The following CD180 variants were observed in gnomAD, a reference collection of about 807,000 sequenced individuals.
CD180 encodes the protein CD180 molecule, also known as CD180 antigen.
CD180 carries 11 observed loss-of-function variants against 10.7 expected under a neutral mutation model. That is an observed-to-expected ratio of 1.03 (90% CI 0.65 to 1.70). The LOEUF (loss-of-function observed/expected upper bound fraction) is 1.70. Ranked by LOEUF, CD180 falls within the 40% of genes most tolerant of loss-of-function variation. The pLI is 0.00. For synonymous variants in CD180, 286 were observed against 294.6 expected, an observed-to-expected ratio of 0.97 and a Z score of 0.30; for missense variants, 729 against 775.2, an observed-to-expected ratio of 0.94 and a Z score of 0.71.
chr5:67,181,445 C>T lies in CD180; in HGVS notation c.*1412G>A, dbSNP rs1742046793. The T allele has an allele frequency of 6.6e-6, 1 of 152,342 alleles. No homozygotes were observed. The highest frequency in any genetic ancestry group is 2.4e-5 in the African/African-American group (1 of 41,442). 9.4% of individuals were successfully genotyped at this position (152,342 alleles called of 1,614,324 possible). On this transcript the variant is annotated 3_prime_UTR_variant, in exon 3 of 3. Coordinates refer to ENST00000256447, the MANE Select transcript of CD180 (RefSeq NM_005582.3). Reference sequence around the variant, plus strand: ...CCACTGCTGTTCCCTGCCTGCCCTGCTTTTCCTGGGGGCGAAGAGACAAAA... The same window carrying T: ...CCACTGCTGTTCCCTGCCTGCCCTGTTTTTCCTGGGGGCGAAGAGACAAAA...
rs1742128336 is a variant in CD180 at position 67,184,126 on chromosome 5, G to T, written c.717C>A (p.Phe239Leu). ...GAGTAGTAGAGTTCTGCAGACCATT[G>T]AATATAACAGACAAATTTGGAGTTC... The part of the protein sequence containing the change: ...FGGTPNLSVI[F>L]NGLQNSTTQS... Residue 239 changes from phenylalanine (F) to leucine (L), a missense_variant, in exon 3 of 3, where the codon TTC becomes TTA. Transcript: ENST00000256447. 1 of 1,614,030 alleles carries T rather than the reference G, an allele frequency of 6.2e-7. No individual in the cohort carries two copies. Among genetic ancestry groups the T allele is most frequent in the Non-Finnish European group, 8.5e-7 (1 of 1,180,030 alleles).
In CD180 at chr5:67,179,757, T is replaced by C. The variant is rs1484708128; in HGVS notation, c.*3100A>G. On this transcript the variant is annotated 3_prime_UTR_variant, in exon 3 of 3. Coordinates refer to ENST00000256447, the MANE Select transcript of CD180 (RefSeq NM_005582.3). ...GGGCTGTGCTGTACTAAGCAGTGGC[T>C]GCTGGCACAGGGAAAGGTGTAATTC... 6.6e-6 allele frequency: 1 copy of C among 152,242 alleles called. No homozygotes were observed. The highest frequency in any genetic ancestry group is 1.9e-4 in the East Asian group (1 of 5,196). The allele number at this position is 152,242 out of a possible 1,614,324, so 9.4% of individuals were successfully genotyped here.
intron 1 of CD180, among the ~76,000 whole-genome samples, chr5:67,193,942 ACCTATGTTCCTGATCACTGGG>A (rs1742353642): frequency 3.3e-5 from 5 of 152,170 alleles, no homozygotes; most frequent in Admixed American, 3.3e-4. Context: ...GGAGGTGATA[ACCTATGTTCCTGATCACTGGG>A]GGGATGGTGC....
In CD180 at chr5:67,183,485, G is replaced by A; in HGVS notation, c.1358C>T (p.Thr453Ile). 1 of 1,614,246 alleles carries A rather than the reference G, an allele frequency of 6.2e-7. No individual in the cohort carries two copies. The highest frequency in any genetic ancestry group is 8.5e-7 in the Non-Finnish European group (1 of 1,180,050). Residue 453 changes from threonine (T) to isoleucine (I), a missense_variant, in exon 3 of 3, where the codon ACT becomes ATT. Physicochemically the swap from Thr to Ile is moderately conservative, Grantham distance 89. Transcript: ENST00000256447. ...NLHFLQVLNL[T>I]YCFLDTSNQH... ...ATTGCTGGTATCAAGGAAGCAGTAA[G>A]TGAGATTCAGAACCTGAAGGAAATG... is the stretch of plus-strand genomic sequence containing the variant.
Position 67,183,218 on chromosome 5 carries a change from T to C in CD180, c.1625A>G (p.His542Arg), listed in dbSNP as rs546205073. ...LTCDSIDSLSHLKGIYLNLAA... is the reference protein window; with the variant it reads ...LTCDSIDSLSRLKGIYLNLAA... ...CAGATTGAGGTAGATTCCCTTAAGATGGCTAAGAGAATCAATGCTGTCGCA... is the reference window on the plus strand; with the variant it reads ...CAGATTGAGGTAGATTCCCTTAAGACGGCTAAGAGAATCAATGCTGTCGCA... The change falls in exon 3 of 3, where the codon CAT becomes CGT. Residue 542 changes from histidine to arginine, a missense_variant. Physicochemically the swap from His to Arg is conservative, Grantham distance 29. Coordinates refer to ENST00000256447, the MANE Select transcript of CD180 (RefSeq NM_005582.3). 2 of 1,613,180 alleles carry C rather than the reference T, an allele frequency of 1.2e-6. No homozygotes were observed. Among genetic ancestry groups the C allele is most frequent in the Admixed American group, 1.7e-5 (1 of 59,960 alleles).
At chr5:67,193,728 C>T (rs1478547422) in intron 1 of CD180, among the ~76,000 whole-genome samples, 1 of 152,200 alleles carries the variant, frequency 6.6e-6, no homozygotes. Context: ...GGCTTGCAGG[C>T]CCTAGAACAC....
At chr5:67,185,277 C>A (rs1177994652) in intron 2 of CD180, among the ~76,000 whole-genome samples, 1 of 125,984 alleles carries the variant, frequency 7.9e-6, no homozygotes, top group Non-Finnish European at 1.6e-5. Flanking sequence ...CACGCAGAGC[C>A]TGTCCCCTCT....
In CD180 at chr5:67,183,513, G is replaced by C; in HGVS notation, c.1330C>G (p.Leu444Val). The C allele has an allele frequency of 6.2e-7, 1 of 1,614,196 alleles. No homozygotes were observed. Among genetic ancestry groups the C allele is most frequent in the Non-Finnish European group, 8.5e-7 (1 of 1,180,040 alleles). ...INAPQSPFQN[L>V]HFLQVLNLTY... ...AGATTCAGAACCTGAAGGAAATGGA[G>C]GTTTTGGAAGGGACTTTGTGGAGCA... is the stretch of plus-strand genomic sequence containing the variant. The change falls in exon 3 of 3, where the codon CTC (leucine) becomes GTC (valine). Residue 444 changes from leucine to valine, a missense_variant. Coordinates refer to ENST00000256447, the MANE Select transcript of CD180 (RefSeq NM_005582.3).
Position 67,185,339 on chromosome 5 carries a change from C to A in CD180, c.257+512G>T, listed in dbSNP as rs1742170720. On this transcript the variant is annotated intron_variant, in intron 2 of 2. Coordinates refer to ENST00000256447, the MANE Select transcript of CD180 (RefSeq NM_005582.3). ...CACACACACACACACGCAGTATAGC[C>A]CTTTCATTTTCTTCCCTTATTTTCT... Among the ~76,000 whole-genome samples the A allele has an allele frequency of 2.7e-5, 4 of 148,606 alleles. No homozygotes were observed. In the South Asian group the frequency reaches 8.4e-4, roughly 31 times the overall value.
intron 1 of CD180, among the ~76,000 whole-genome samples, chr5:67,190,061 ACTC>A (rs1742272098): frequency 6.6e-6 from 1 of 151,978 alleles, no homozygotes; most frequent in Non-Finnish European, 1.5e-5. Flanking sequence ...ATCTCCTTAG[ACTC>A]CTTTAATCTG....
Position 67,183,363 on chromosome 5 carries a change from T to A in CD180, c.1480A>T (p.Thr494Ser). ...GTITKTNLLQ[T>S]VGSLEVLILS... ...ATCAGAACCTCCAAGCTGCCCACGGTCTGAAGTAGGTTGGTCTTCGTGATA... is the reference window on the plus strand; with the variant it reads ...ATCAGAACCTCCAAGCTGCCCACGGACTGAAGTAGGTTGGTCTTCGTGATA... The change falls in exon 3 of 3, where the codon ACC (threonine) becomes TCC (serine). Residue 494 changes from threonine to serine, a missense_variant. By Grantham distance (58) the Thr-to-Ser change is moderately conservative (BLOSUM62 1). Coordinates refer to ENST00000256447, the MANE Select transcript of CD180 (RefSeq NM_005582.3). 1 of 1,614,170 alleles carries A rather than the reference T, an allele frequency of 6.2e-7. No homozygotes were observed. The highest frequency in any genetic ancestry group is 8.5e-7 in the Non-Finnish European group (1 of 1,180,024).
chr5:67,183,134 C>T lies in CD180; in HGVS notation c.1709G>A (p.Ser570Asn). 1.2e-6 allele frequency: 2 copies of T among 1,610,300 alleles called. No homozygotes were observed. Among genetic ancestry groups the T allele is most frequent in the South Asian group, 1.1e-5 (1 of 90,676 alleles). ...PRLLPILSQQ[S>N]TINLSHNPLD... ...GGGGTTATGACTTAAATTAATGGTG[C>T]TCTGCTGGGACAAGATAGGGAGGAG... The change falls in exon 3 of 3, where the codon AGC (serine) becomes AAC (asparagine). Residue 570 changes from serine (S) to asparagine (N), a missense_variant. Ser to Asn is a conservative substitution (Grantham distance 46). Transcript: ENST00000256447.
At chr5:67,189,487 GT>G (rs1160012931) in intron 1 of CD180, among the ~76,000 whole-genome samples, 3 of 152,214 alleles carry the variant, frequency 2.0e-5, no homozygotes, top group Admixed American at 1.3e-4. Context: ...ATCATCTCTG[GT>G]TAGGTGGAAA....
intron 1 of CD180, among the ~76,000 whole-genome samples, chr5:67,188,730 A>C (rs1470553917): frequency 6.7e-6 from 1 of 150,200 alleles, no homozygotes; most frequent in Non-Finnish European, 1.5e-5. Context: ...TTAGCGATGC[A>C]CTTTCTTGTA....
intron 1 of CD180, among the ~76,000 whole-genome samples, chr5:67,189,455 T>A (rs1394262220): frequency 6.6e-6 from 1 of 152,208 alleles, no homozygotes; most frequent in Non-Finnish European, 1.5e-5. Context: ...GAGGCCACCA[T>A]AAGCCTGTGC....
In CD180 at chr5:67,185,974, C is replaced by T; in HGVS notation, c.134G>A (p.Ser45Asn). ...GTTTGGTAGAGTGTCAGGGATTTCA[C>T]TGAGACCTAAATTTTCACAGTTATA... is the stretch of plus-strand genomic sequence containing the variant. ...KTYNCENLGL[S>N]EIPDTLPNTT... is the part of the protein sequence containing the mutation. The change falls in exon 2 of 3, where the codon AGT becomes AAT. Residue 45 changes from serine to asparagine, a missense_variant. Transcript: ENST00000256447. 8 of 1,605,596 alleles carry T rather than the reference C, an allele frequency of 5.0e-6. No homozygotes were observed. In the Admixed American group the frequency reaches 1.2e-4, roughly 24 times the overall value.
chr5:67,190,859 G>T, intron 1 of CD180: 1 of 878,538 alleles, frequency 1.1e-6, no homozygotes, highest in African/African-American at 1.8e-5. Context: ...TCATCCCACT[G>T]TATTTTCTTT....
At chr5:67,193,930 C>T (rs935264717) in intron 1 of CD180, among the ~76,000 whole-genome samples, 2 of 152,206 alleles carry the variant, frequency 1.3e-5, no homozygotes, top group Admixed American at 6.5e-5. Context: ...AGGCTGTCTC[C>T]TGGAGGTGAT....
At chr5:67,191,336 G>A (rs758569117) in intron 1 of CD180, among the ~76,000 whole-genome samples, 1 of 152,174 alleles carries the variant, frequency 6.6e-6, no homozygotes, top group Non-Finnish European at 1.5e-5. Flanking sequence ...GGATTAATGC[G>A]ATAATGTGTG....
Sources: gnomAD v4.1 joint callset for allele counts (sites outside exome capture counted in the v4.1 genomes callset) on GRCh38, gnomAD v4.1.1 for gene constraint, MANE v1.5 for transcripts, NCBI Gene and HGNC (gene_info 2026-07-23, HGNC 2026-07-21) for gene names.